FGD6: variants seen among roughly 807,000 people sequenced by gnomAD.
FGD6 encodes the protein FYVE, RhoGEF and PH domain-containing protein 6.
FGD6 carries 90 observed loss-of-function variants against 149.4 expected under a neutral mutation model. The ratio of observed to expected loss-of-function variants is 0.60; its 90% CI spans 0.51 to 0.72. The LOEUF (loss-of-function observed/expected upper bound fraction) is 0.72. Ranked by LOEUF, FGD6 falls within the 30% of genes least tolerant of loss-of-function variation. The pLI is 0.00. For synonymous variants in FGD6, 527 were observed against 584.0 expected, an observed-to-expected ratio of 0.90 and a Z score of 1.41; for missense variants, 1,437 against 1,684.8, an observed-to-expected ratio of 0.85 and a Z score of 2.57.
At chr12:95,110,903 T>C (rs1878799081) in intron 9 of FGD6, among the ~76,000 whole-genome samples, 1 of 152,150 alleles carries the variant, frequency 6.6e-6, no homozygotes, top group African/African-American at 2.4e-5. Context: ...GATGCCTCTA[T>C]TCCTTTAACT....
At position 95,209,940 on chromosome 12, in the gene FGD6, T is replaced by A. The variant is rs2136303956; in HGVS notation, c.1344A>T (p.Arg448Ser). The A allele has an allele frequency of 6.2e-7, 1 of 1,612,742 alleles. No individual in the cohort carries two copies. The highest frequency in any genetic ancestry group is 1.7e-4 in the Middle Eastern group (1 of 6,052). Residue 448 changes from arginine to serine, a missense_variant, in exon 2 of 21, where the codon AGA (arginine) becomes AGT (serine). By Grantham distance (110) the Arg-to-Ser change is moderately radical. Transcript: ENST00000343958. ...TAGGCAGGCTCATAGATACAGTACA[T>A]CTTATAAAACCGGTCCCTTCGTCCA... The part of the protein sequence containing the change: ...LAVDEGTGFI[R>S]CTVSMSLPKQ...
chr12:95,216,690 A>T (rs1436442486), intron 1 of FGD6, among the ~76,000 whole-genome samples: 1 of 132,400 alleles, frequency 7.6e-6, no homozygotes, highest in Non-Finnish European at 1.6e-5. Flanking sequence ...AAAAAAAAAA[A>T]ACCTCAACAA....
chr12:95,200,500 A>C (rs567719268), intron 2 of FGD6, among the ~76,000 whole-genome samples: 1 of 152,312 alleles, frequency 6.6e-6, no homozygotes, highest in East Asian at 1.9e-4. Context: ...GAAATCACTT[A>C]ACCACCATAA....
chr12:95,100,231 G>A (rs1878379158), intron 14 of FGD6, among the ~76,000 whole-genome samples: 1 of 152,184 alleles, frequency 6.6e-6, no homozygotes, highest in Non-Finnish European at 1.5e-5. Context: ...CTTAAGGACA[G>A]GGATTGCACA....
intron 8 of FGD6, among the ~76,000 whole-genome samples, chr12:95,134,211 C>T (rs945389149): frequency 6.6e-6 from 1 of 152,106 alleles, no homozygotes; most frequent in African/African-American, 2.4e-5. Flanking sequence ...GATCCTCCCG[C>T]CTCAGCCTCT....
rs762464778 is a variant in FGD6 at position 95,152,835 on chromosome 12, C to T, written c.2661G>A (p.Val887=). 1 of 1,613,352 alleles carries T rather than the reference C, an allele frequency of 6.2e-7. No homozygotes were observed. The highest frequency in any genetic ancestry group is 1.1e-5 in the South Asian group (1 of 91,020). ...KEIMSSEKVF[V]DVLKLLHIDF... ...CAATATGCAAAAGTTTTAACACATCCACAAACCTGTAAAAAACAACAATGA... is the reference window on the plus strand; with the variant it reads ...CAATATGCAAAAGTTTTAACACATCTACAAACCTGTAAAAAACAACAATGA... Residue 887 remains valine (V), a synonymous_variant, in exon 5 of 21, where the codon GTG becomes GTA. Coordinates refer to ENST00000343958, the MANE Select transcript of FGD6 (RefSeq NM_018351.4).
At chr12:95,113,814 A>C in intron 8 of FGD6, 113 bp from the exon 9 acceptor site, 2 of 559,326 alleles carry the variant, frequency 3.6e-6, no homozygotes, top group Non-Finnish European at 6.1e-6. Context: ...ATGCTAGTCC[A>C]ACTTGTGCTA....
At chr12:95,177,064 G>A (rs1406868186) in intron 2 of FGD6, among the ~76,000 whole-genome samples, 6 of 152,138 alleles carry the variant, frequency 3.9e-5, no homozygotes, top group Non-Finnish European at 7.4e-5. Flanking sequence ...CTGGCCTCAG[G>A]TGATCTGCCT....
intron 3 of FGD6, among the ~76,000 whole-genome samples, chr12:95,153,950 TGAGAGAGA>T (rs66485554): frequency 1.3e-4 from 19 of 141,304 alleles, no homozygotes; most frequent in Admixed American, 4.3e-4. Flanking sequence ...TGTGTGTGAG[TGAGAGAGA>T]GAAGAGACAG....
At chr12:95,187,627 G>T (rs1881479455) in intron 2 of FGD6, among the ~76,000 whole-genome samples, 2 of 151,232 alleles carry the variant, frequency 1.3e-5, no homozygotes, top group African/African-American at 2.4e-5. Flanking sequence ...ACTCCAGCCT[G>T]GGTGACTGAG....
intron 3 of FGD6, among the ~76,000 whole-genome samples, chr12:95,158,497 G>A (rs1043659951): frequency 1.3e-5 from 2 of 151,958 alleles, no homozygotes; most frequent in African/African-American, 4.8e-5. Flanking sequence ...ATATTCCTCA[G>A]GAAGACTGCA....
intron 2 of FGD6, among the ~76,000 whole-genome samples, chr12:95,197,442 A>AAAAC (rs780616338): frequency 1.4e-4 from 21 of 152,108 alleles, no homozygotes; most frequent in African/African-American, 4.8e-4. Flanking sequence ...CTAAAAAATA[A>AAAAC]AAACAAACAA....
At chr12:95,109,170 T>G (rs1878730549) in intron 9 of FGD6, among the ~76,000 whole-genome samples, 1 of 145,888 alleles carries the variant, frequency 6.9e-6, no homozygotes, top group Non-Finnish European at 1.5e-5. Context: ...CTGTGTTTTA[T>G]TCTTTTTATT....
chr12:95,139,884 G>A (rs1253194015), intron 6 of FGD6, among the ~76,000 whole-genome samples: 4 of 152,152 alleles, frequency 2.6e-5, no homozygotes, highest in South Asian at 2.1e-4. Flanking sequence ...TGACCCACCC[G>A]CCGCAGCCTC....
At chr12:95,211,290 T>A in intron 1 of FGD6, 23 bp from the exon 2 acceptor site, 1 of 1,524,396 alleles carries the variant, frequency 6.6e-7, no homozygotes, top group Non-Finnish European at 8.7e-7. Context: ...AAATAATAAT[T>A]TGATGTCAAA....
At chr12:95,117,654 T>A (rs928049972) in intron 8 of FGD6, among the ~76,000 whole-genome samples, 2 of 152,206 alleles carry the variant, frequency 1.3e-5, no homozygotes, top group African/African-American at 2.4e-5. Context: ...CTTGAACTCC[T>A]GAACTCAAGT....
intron 14 of FGD6, chr12:95,100,483 T>C (rs1878388952): frequency 3.1e-6 from 1 of 320,976 alleles, no homozygotes; most frequent in Non-Finnish European, 6.1e-6. Context: ...CTTGCTGCCG[T>C]GGCTACACTG....
intron 5 of FGD6, among the ~76,000 whole-genome samples, chr12:95,149,838 TAC>T (rs1464815992): frequency 6.8e-6 from 1 of 146,494 alleles, no homozygotes; most frequent in African/African-American, 2.5e-5. Context: ...TAATATATAG[TAC>T]ATATACTATA....
At position 95,088,387 on chromosome 12, in the gene FGD6, A is replaced by T. The variant is rs192635028; in HGVS notation, c.3978+1182T>A. Among the ~76,000 whole-genome samples the T allele has an allele frequency of 8.2e-4, 125 of 151,754 alleles. 1 individual carries two copies. The highest frequency in any genetic ancestry group is 2.6e-3 in the African/African-American group (109 of 41,452). Reference sequence around the variant, plus strand: ...AGGTACCCCAGAAGCAATGAAAATTAAAAAAAAATAATCCAACTCCAACTC... The same window carrying T: ...AGGTACCCCAGAAGCAATGAAAATTTAAAAAAAATAATCCAACTCCAACTC... On this transcript the variant is annotated intron_variant, in intron 18 of 20. Transcript: ENST00000343958.
Sources: gnomAD v4.1 joint callset for allele counts (sites outside exome capture counted in the v4.1 genomes callset) on GRCh38, gnomAD v4.1.1 for gene constraint, MANE v1.5 for transcripts, NCBI Gene and HGNC (gene_info 2026-07-23, HGNC 2026-07-21) for gene names.